RAPGEF2: variants seen among roughly 807,000 people sequenced by gnomAD.
RAPGEF2 encodes PDZ domain containing guanine nucleotide exchange factor (GEF) 1.
Under a neutral mutation model 186.7 loss-of-function variants are expected in RAPGEF2, and 54 were observed. The ratio of observed to expected loss-of-function variants is 0.29; its 90% CI spans 0.23 to 0.36. RAPGEF2 has a LOEUF of 0.36. Ranked by LOEUF, RAPGEF2 falls within the 10% of genes least tolerant of loss-of-function variation. The pLI is 1.00. For missense variants in RAPGEF2, 1,532 were observed against 2,045.0 expected, an observed-to-expected ratio of 0.75 and a Z score of 4.84; for synonymous variants, 712 against 705.9, an observed-to-expected ratio of 1.01 and a Z score of -0.14.
At chr4:159,344,997 G>A (rs987294053) in intron 23 of RAPGEF2, 109 bp from the exon 24 acceptor site, 1 of 830,520 alleles carries the variant, frequency 1.2e-6, no homozygotes, top group African/African-American at 1.7e-5. Flanking sequence ...CTGGAATGAG[G>A]CATGTGACCT....
Position 159,338,479 on chromosome 4 carries a change from C to T in RAPGEF2, c.2293+11C>T, listed in dbSNP as rs371597595. The T allele has an allele frequency of 3.1e-6, 5 of 1,599,894 alleles. No homozygotes were observed. Among genetic ancestry groups the T allele is most frequent in the Non-Finnish European group, 4.3e-6 (5 of 1,170,002 alleles). ...TCAGTGCTACTCCTGGTGAGTATCACCAACACTTCTTTTGTTTTCTTATAG... is the reference window on the plus strand; with the variant it reads ...TCAGTGCTACTCCTGGTGAGTATCATCAACACTTCTTTTGTTTTCTTATAG... On this transcript the variant is annotated intron_variant, in intron 18 of 29. Coordinates refer to ENST00000691494, the MANE Select transcript of RAPGEF2 (RefSeq NM_001394067.2).
chr4:159,122,617 C>T (rs999460621), intron 1 of RAPGEF2, among the ~76,000 whole-genome samples: 8 of 152,260 alleles, frequency 5.3e-5, no homozygotes, highest in Non-Finnish European at 8.8e-5. Context: ...ATTGTGCATA[C>T]GGTACTACTG....
At chr4:159,195,319 C>A (rs1049578708) in intron 3 of RAPGEF2, among the ~76,000 whole-genome samples, 3 of 152,090 alleles carry the variant, frequency 2.0e-5, no homozygotes, top group African/African-American at 7.2e-5. Context: ...CATTTGAATT[C>A]TATTACTGGC....
At chr4:159,311,153 G>C (rs1763908385) in intron 8 of RAPGEF2, among the ~76,000 whole-genome samples, 1 of 151,860 alleles carries the variant, frequency 6.6e-6, no homozygotes, top group African/African-American at 2.4e-5. Flanking sequence ...CTGTAAACTA[G>C]GGTTAGTAAT....
chr4:159,273,664 T>A (rs953014830), intron 7 of RAPGEF2, among the ~76,000 whole-genome samples: 1 of 149,858 alleles, frequency 6.7e-6, no homozygotes, highest in African/African-American at 2.5e-5. Context: ...CTTTCTTTCT[T>A]TCTTTCTTTC....
intron 4 of RAPGEF2, among the ~76,000 whole-genome samples, chr4:159,225,350 T>C (rs1751922209): frequency 6.6e-6 from 1 of 152,340 alleles, no homozygotes; most frequent in South Asian, 2.1e-4. Context: ...ATTTATAAAA[T>C]TACTGAATTT....
intron 1 of RAPGEF2, among the ~76,000 whole-genome samples, chr4:159,116,652 A>G (rs1739084777): frequency 6.6e-6 from 1 of 152,260 alleles, no homozygotes; most frequent in Admixed American, 6.5e-5. Flanking sequence ...AAGACATGGA[A>G]TCAATCCAAA....
intron 1 of RAPGEF2, among the ~76,000 whole-genome samples, chr4:159,146,295 A>C (rs1003927197): frequency 6.6e-6 from 1 of 152,142 alleles, no homozygotes; most frequent in Non-Finnish European, 1.5e-5. Flanking sequence ...TTTTGGTTTA[A>C]TAAATTATGC....
At chr4:159,104,492 G>GAGAT (rs1737574318) in intron 1 of RAPGEF2, among the ~76,000 whole-genome samples, 1 of 73,862 alleles carries the variant, frequency 1.4e-5, no homozygotes, top group Admixed American at 1.6e-4. Context: ...GCCCAGCCGA[G>GAGAT]AGAGAGAGAG....
intron 2 of RAPGEF2, among the ~76,000 whole-genome samples, chr4:159,191,488 C>T (rs888166562): frequency 2.0e-5 from 3 of 152,144 alleles, no homozygotes; most frequent in Admixed American, 2.0e-4. Flanking sequence ...TGCCTGTAAT[C>T]CCAGCACTGT....
chr4:159,298,336 G>A (rs144724679), intron 7 of RAPGEF2, among the ~76,000 whole-genome samples: 132 of 152,242 alleles, frequency 8.7e-4, no homozygotes, highest in Middle Eastern at 3.4e-3. Flanking sequence ...TCAAGGATGG[G>A]TGTTGTATCT....
At chr4:159,184,792 G>A (rs1357739898) in intron 1 of RAPGEF2, among the ~76,000 whole-genome samples, 1 of 152,112 alleles carries the variant, frequency 6.6e-6, no homozygotes, top group Non-Finnish European at 1.5e-5. Flanking sequence ...ATTGCTTTTG[G>A]TGTTTTAGTC....
Position 159,339,349 on chromosome 4 carries a change from T to C in RAPGEF2, c.2529T>C (p.Ser843=). The part of the protein sequence containing the change: ...LSKLADRIQL[S]GRYYLKNNME... The stretch of plus-strand genomic sequence containing the variant: ...AACTTGCAGACAGAATACAACTGAG[T>C]GGAAGGTATATATTATCTACCTTAC... Residue 843 remains serine, a synonymous_variant, in exon 19 of 30, where the codon AGT becomes AGC. Transcript: ENST00000691494. 1 of 1,613,570 alleles carries C rather than the reference T, an allele frequency of 6.2e-7. No homozygotes were observed. Among genetic ancestry groups the C allele is most frequent in the Non-Finnish European group, 8.5e-7 (1 of 1,179,778 alleles).
Position 159,128,618 on chromosome 4 carries a change from T to A in RAPGEF2, c.69+24387T>A, listed in dbSNP as rs2111120343. 2.0e-5 allele frequency among the ~76,000 whole-genome samples: 3 copies of A among 151,940 alleles called. No homozygotes were observed. In the South Asian group the frequency reaches 6.3e-4, roughly 32 times the overall value. On this transcript the variant is annotated intron_variant, in intron 1 of 29. Transcript: ENST00000691494. ...ATGTTTTCAAATTATTATTTGGTTA[T>A]GCAGGTTAATACTTATATGGATTAT...
rs183665211 is a variant in RAPGEF2, at chr4:159,143,735, G to A, written c.69+39504G>A. On this transcript the variant is annotated intron_variant, in intron 1 of 29. Transcript: ENST00000691494. ...GCTGGATGGAATAGGTGTTTCTGGC[G>A]TTTTTTGAATGGGCAGTGTGCTTTT... 1.6e-3 allele frequency among the ~76,000 whole-genome samples: 249 copies of A among 152,246 alleles called. 3 individuals carry two copies. The highest frequency in any genetic ancestry group is 3.4e-3 in the Middle Eastern group (1 of 294).
intron 1 of RAPGEF2, among the ~76,000 whole-genome samples, chr4:159,158,785 T>C (rs1744389913): frequency 6.6e-6 from 1 of 152,222 alleles, no homozygotes; most frequent in Admixed American, 6.5e-5. Context: ...TTACTAGCGT[T>C]ATTTGCCAGG....
Position 159,342,173 on chromosome 4 carries a change from A to G in RAPGEF2, c.2918+226A>G, listed in dbSNP as rs1729562719. ...AGATTTGAAGAAGCCATTAAGCAGG[A>G]AACATTTTGGTAGCATCTGAAGTTC... On this transcript the variant is annotated intron_variant, in intron 20 of 29. Transcript: ENST00000691494. Among the ~76,000 whole-genome samples, 3 of 152,218 alleles carry G rather than the reference A, an allele frequency of 2.0e-5. No individual in the cohort carries two copies. The South Asian group carries it at 6.2e-4, about 31-fold the overall frequency.
intron 1 of RAPGEF2, among the ~76,000 whole-genome samples, chr4:159,184,083 A>T (rs562723877): frequency 6.6e-6 from 1 of 152,144 alleles, no homozygotes; most frequent in Non-Finnish European, 1.5e-5. Flanking sequence ...ATCCTTTTTT[A>T]TGGCTGCATA....
chr4:159,119,824 G>T (rs1295706505), intron 1 of RAPGEF2, among the ~76,000 whole-genome samples: 1 of 152,088 alleles, frequency 6.6e-6, no homozygotes, highest in African/African-American at 2.4e-5. Flanking sequence ...TTGATTTAAG[G>T]ATATTGGCAT....
Sources: allele counts gnomAD v4.1 joint callset (sites outside exome capture counted in the v4.1 genomes callset), GRCh38; gene constraint gnomAD v4.1.1; transcripts MANE v1.5; gene names NCBI Gene and HGNC (gene_info 2026-07-23, HGNC 2026-07-21).